PIK3C2A: variants seen among roughly 807,000 people sequenced by gnomAD.
PIK3C2A encodes the protein phosphatidylinositol 4-phosphate 3-kinase C2 domain-containing subunit alpha.
A neutral mutation model predicts 204.5 loss-of-function variants in PIK3C2A; 97 were observed. The ratio of observed to expected loss-of-function variants is 0.47; its 90% CI spans 0.40 to 0.56. PIK3C2A has a LOEUF of 0.56. Among genes scored for constraint, PIK3C2A ranks in the 20% least tolerant of loss-of-function variants. The pLI is 0.00. For synonymous variants in PIK3C2A, 653 were observed against 664.4 expected (o/e 0.98, Z 0.26); for missense variants, 1,735 against 1,969.2 (o/e 0.88, Z 2.25).
At chr11:17,112,743 C>A in intron 20 of PIK3C2A, 77 bp from the exon 21 acceptor site, 1 of 593,802 alleles carries the variant, frequency 1.7e-6, no homozygotes, top group Non-Finnish European at 2.9e-6. Context: ...TACGCATTTC[C>A]CCTTTCACTT....
In PIK3C2A at chr11:17,108,027, C is replaced by T. The variant is rs1284301972; in HGVS notation, c.3544+2405G>A. On this transcript the variant is annotated intron_variant, in intron 22 of 32. Transcript: ENST00000691414. Reference sequence around the variant, plus strand: ...CCAGGACTACAGACATGCACCACCACGCCTGGCTAATTTTTTGTATTTTTA... The same window carrying T: ...CCAGGACTACAGACATGCACCACCATGCCTGGCTAATTTTTTGTATTTTTA... 3.3e-5 allele frequency among the ~76,000 whole-genome samples: 5 copies of T among 152,146 alleles called. No individual in the cohort carries two copies. The East Asian group carries it at 5.8e-4, about 18-fold the overall frequency.
chr11:17,167,377 T>C (rs1850999857), intron 2 of PIK3C2A, among the ~76,000 whole-genome samples: 1 of 152,090 alleles, frequency 6.6e-6, no homozygotes, highest in Non-Finnish European at 1.5e-5. Context: ...AATCCCAGCA[T>C]ACTGGGAGGC....
At chr11:17,151,310 C>T (rs192360792) in intron 3 of PIK3C2A, among the ~76,000 whole-genome samples, 57 of 152,286 alleles carry the variant, frequency 3.7e-4, no homozygotes, top group Non-Finnish European at 1.2e-4. Context: ...CTGCTGTTAT[C>T]GTAAGACAAA....
At chr11:17,202,492 C>G (rs1021481851) in intron 1 of PIK3C2A, among the ~76,000 whole-genome samples, 18 of 149,912 alleles carry the variant, frequency 1.2e-4, no homozygotes. Context: ...GAGAATCACC[C>G]AAGTGTGGGA....
intron 1 of PIK3C2A, among the ~76,000 whole-genome samples, chr11:17,187,112 G>A (rs552474364): frequency 7.9e-5 from 12 of 152,236 alleles, no homozygotes; most frequent in South Asian, 6.2e-4. Flanking sequence ...ATCTTTAGGC[G>A]TTATCTAAGT....
intron 27 of PIK3C2A, among the ~76,000 whole-genome samples, chr11:17,095,002 A>T (rs1292592726): frequency 6.6e-6 from 1 of 152,100 alleles, no homozygotes; most frequent in African/African-American, 2.4e-5. Context: ...TAATCCTAGC[A>T]CTTTGAGGGG....
chr11:17,192,838 G>T (rs763064213), intron 1 of PIK3C2A, among the ~76,000 whole-genome samples: 1 of 152,208 alleles, frequency 6.6e-6, no homozygotes, highest in Non-Finnish European at 1.5e-5. Flanking sequence ...TTATTATGTG[G>T]TAACTATGAA....
intron 15 of PIK3C2A, 101 bp downstream of exon 15, chr11:17,122,087 C>A: frequency 1.5e-6 from 1 of 650,590 alleles, no homozygotes; most frequent in Non-Finnish European, 2.5e-6. Flanking sequence ...ACCAAGAAAG[C>A]TGATAAATCA....
Position 17,122,324 on chromosome 11 carries a change from G to T in PIK3C2A, c.2521C>A (p.Pro841Thr). Reference protein sequence around the residue: ...MERIVLQVDFPSPAFDIIYTT... With the variant: ...MERIVLQVDFTSPAFDIIYTT... ...TAAATAATATCAAATGCAGGAGAAG[G>T]AAAATCAACCTTTAAAATTTAACAG... Residue 841 changes from proline to threonine, a missense_variant, in exon 15 of 33, where the codon CCT becomes ACT. Physicochemically the swap from Pro to Thr is conservative, Grantham distance 38 (BLOSUM62 -1). Coordinates refer to ENST00000691414, the MANE Select transcript of PIK3C2A (RefSeq NM_002645.4). 1 of 1,538,276 alleles carries T rather than the reference G, an allele frequency of 6.5e-7. No homozygotes were observed. The highest frequency in any genetic ancestry group is 1.1e-5 in the South Asian group (1 of 87,628).
intron 7 of PIK3C2A, 58 bp downstream of exon 7, chr11:17,145,805 G>T: frequency 6.5e-7 from 1 of 1,549,462 alleles, no homozygotes; most frequent in Non-Finnish European, 8.9e-7. Context: ...CAAAATAAGT[G>T]TATTTGCATC....
chr11:17,138,088 G>C (rs1432925313), intron 8 of PIK3C2A: 17 of 702,742 alleles, frequency 2.4e-5, no homozygotes, highest in Non-Finnish European at 3.9e-5. Flanking sequence ...AGCACACATG[G>C]AATCACCATA....
intron 1 of PIK3C2A, among the ~76,000 whole-genome samples, chr11:17,175,849 C>T (rs1851318651): frequency 6.6e-6 from 1 of 152,144 alleles, no homozygotes; most frequent in Non-Finnish European, 1.5e-5. Context: ...CAAGTTGGTG[C>T]TGCTACCCAT....
At chr11:17,199,929 T>C (rs1852308478) in intron 1 of PIK3C2A, among the ~76,000 whole-genome samples, 1 of 139,084 alleles carries the variant, frequency 7.2e-6, no homozygotes, top group African/African-American at 2.7e-5. Flanking sequence ...AAAAGTAGAT[T>C]AGTGGTTACC....
chr11:17,091,937 G>C (rs1848321052), intron 30 of PIK3C2A, 59 bp downstream of exon 30: 1 of 1,046,134 alleles, frequency 9.6e-7, no homozygotes. Flanking sequence ...CACATTCATC[G>C]AGAAGTTACA....
intron 21 of PIK3C2A, among the ~76,000 whole-genome samples, chr11:17,110,878 G>A (rs1848980496): frequency 6.6e-6 from 1 of 152,010 alleles, no homozygotes; most frequent in South Asian, 2.1e-4. Flanking sequence ...CAGTTTTATG[G>A]TATGTGAATT....
Position 17,134,946 on chromosome 11 carries a change from T to C in PIK3C2A, c.1981A>G (p.Asn661Asp), listed in dbSNP as rs550474458. The C allele has an allele frequency of 1.2e-6, 2 of 1,613,982 alleles. No individual in the cohort carries two copies. The highest frequency in any genetic ancestry group is 2.2e-5 in the East Asian group (1 of 44,892). ...AIYDLLRLHA[N>D]SGRSPTDCAQ... ...CAGTCTGTAGGACTCCTACCAGAAT[T>C]TGCATGGAGTCTGAGAAGATCATAA... The change falls in exon 11 of 33, where the codon AAT becomes GAT. Residue 661 changes from asparagine to aspartate, a missense_variant. Asn to Asp is a conservative substitution (Grantham distance 23). Coordinates refer to ENST00000691414, the MANE Select transcript of PIK3C2A (RefSeq NM_002645.4).
chr11:17,099,901 T>C lies in PIK3C2A; in HGVS notation c.4077A>G (p.Gln1359=), dbSNP rs1049684314. The change falls in exon 26 of 33, where the codon CAA becomes CAG. Residue 1359 remains glutamine, a synonymous_variant. Transcript: ENST00000691414. ...QDLKYVRDAL[Q]PQTTDAEATI... is the part of the protein sequence containing the mutation. ...TAGCTTCTGCGTCTGTAGTTTGGGG[T>C]TGAAGTGCATCTCTAACGTATTTCA... The C allele has an allele frequency of 6.3e-7, 1 of 1,591,728 alleles. No homozygotes were observed. The highest frequency in any genetic ancestry group is 8.6e-7 in the Non-Finnish European group (1 of 1,160,016).
intron 22 of PIK3C2A, among the ~76,000 whole-genome samples, chr11:17,109,118 G>A (rs1361296767): frequency 5.3e-5 from 8 of 152,166 alleles, no homozygotes; most frequent in Admixed American, 5.2e-4. Context: ...TAAATTGAAT[G>A]GCAAATATTG....
At chr11:17,176,038 C>T (rs1851327674) in intron 1 of PIK3C2A, among the ~76,000 whole-genome samples, 3 of 149,988 alleles carry the variant, frequency 2.0e-5, no homozygotes, top group Admixed American at 2.0e-4. Context: ...GAGTCTCACT[C>T]TGTCGCCCAG....
Sources: allele counts gnomAD v4.1 joint callset (sites outside exome capture counted in the v4.1 genomes callset), GRCh38; gene constraint gnomAD v4.1.1; transcripts MANE v1.5; gene names NCBI Gene and HGNC (gene_info 2026-07-23, HGNC 2026-07-21).